Variants in PAK5 observed in about 807,000 individuals in gnomAD.
PAK5 encodes serine/threonine-protein kinase PAK 5.
In PAK5, 16 loss-of-function variants were observed where a neutral mutation model predicts 65.9. That is an observed-to-expected ratio of 0.24 (90% CI 0.16 to 0.37). The LOEUF (loss-of-function observed/expected upper bound fraction) is 0.37. Among genes scored for constraint, PAK5 ranks in the 10% least tolerant of loss-of-function variants. PAK5 has a pLI of 1.00. For synonymous variants in PAK5, 371 were observed against 354.9 expected, an observed-to-expected ratio of 1.05 and a Z score of -0.51; for missense variants, 785 against 903.9, an observed-to-expected ratio of 0.87 and a Z score of 1.69.
At chr20:9,770,094 G>C (rs573346071) in intron 1 of PAK5, among the ~76,000 whole-genome samples, 50 of 152,292 alleles carry the variant, frequency 3.3e-4, no homozygotes, top group African/African-American at 1.2e-3. Context: ...GACACAGAAA[G>C]GCCAACAGAT....
At chr20:9,574,815 T>C (rs1010791954) in intron 4 of PAK5, among the ~76,000 whole-genome samples, 2 of 152,130 alleles carry the variant, frequency 1.3e-5, no homozygotes, top group African/African-American at 4.8e-5. Context: ...TCTAAATATA[T>C]CCATTGTTAT....
intron 4 of PAK5, among the ~76,000 whole-genome samples, chr20:9,567,925 C>A (rs550918937): frequency 3.3e-5 from 5 of 152,090 alleles, no homozygotes; most frequent in Non-Finnish European, 7.4e-5. Flanking sequence ...AGAAGCCTGG[C>A]TGAGTGAGGG....
At chr20:9,556,462 A>G (rs559836288) in intron 7 of PAK5, among the ~76,000 whole-genome samples, 3 of 152,340 alleles carry the variant, frequency 2.0e-5, no homozygotes, top group Non-Finnish European at 4.4e-5. Flanking sequence ...CTGATATGAC[A>G]TGAACATTTT....
chr20:9,734,408 A>G (rs1188625643), intron 1 of PAK5, among the ~76,000 whole-genome samples: 1 of 152,188 alleles, frequency 6.6e-6, no homozygotes, highest in Non-Finnish European at 1.5e-5. Flanking sequence ...GAGAAGGGAT[A>G]CATACAGGGA....
intron 2 of PAK5, among the ~76,000 whole-genome samples, chr20:9,680,124 G>A (rs1384859617): frequency 6.6e-6 from 1 of 152,230 alleles, no homozygotes; most frequent in Admixed American, 6.5e-5. Context: ...TTCATTCACT[G>A]ATTAAACAAT....
intron 2 of PAK5, among the ~76,000 whole-genome samples, chr20:9,685,852 A>T (rs928068046): frequency 2.0e-5 from 3 of 152,114 alleles, no homozygotes; most frequent in Non-Finnish European, 4.4e-5. Flanking sequence ...TGTCAATGAC[A>T]CCCTCTGTGT....
chr20:9,715,703 A>G (rs1417772236), intron 1 of PAK5, among the ~76,000 whole-genome samples: 4 of 152,046 alleles, frequency 2.6e-5, no homozygotes, highest in Non-Finnish European at 5.9e-5. Flanking sequence ...ACACCATGGA[A>G]TACTATGCAG....
At chr20:9,584,752 CAGTT>C (rs1182059935) in intron 3 of PAK5, among the ~76,000 whole-genome samples, 1 of 152,214 alleles carries the variant, frequency 6.6e-6, no homozygotes, top group African/African-American at 2.4e-5. Flanking sequence ...AAAACAGAAA[CAGTT>C]TGTTTGTATC....
At chr20:9,560,052 C>A (rs190307878) in intron 6 of PAK5, among the ~76,000 whole-genome samples, 2 of 152,118 alleles carry the variant, frequency 1.3e-5, no homozygotes, top group East Asian at 1.9e-4. Flanking sequence ...TCTTGAATTC[C>A]GTGAAATTTG....
chr20:9,815,396 G>A (rs1394649746), intron 1 of PAK5, among the ~76,000 whole-genome samples: 2 of 152,078 alleles, frequency 1.3e-5, no homozygotes, highest in Admixed American at 6.6e-5. Context: ...AGTTTCTTGG[G>A]AAGAAAGTCA....
chr20:9,736,269 C>T (rs546803726), intron 1 of PAK5, among the ~76,000 whole-genome samples: 1 of 152,224 alleles, frequency 6.6e-6, no homozygotes, highest in Non-Finnish European at 1.5e-5. Flanking sequence ...TATGACCAAC[C>T]TGTGGAACAA....
intron 2 of PAK5, among the ~76,000 whole-genome samples, chr20:9,691,749 A>G (rs2047800666): frequency 2.0e-5 from 3 of 152,222 alleles, no homozygotes; most frequent in African/African-American, 7.2e-5. Flanking sequence ...CATTCTTTAT[A>G]TCTAAACAAT....
chr20:9,824,554 T>C (rs2034293340), intron 1 of PAK5, among the ~76,000 whole-genome samples: 1 of 152,164 alleles, frequency 6.6e-6, no homozygotes, highest in Non-Finnish European at 1.5e-5. Context: ...AGACAAATCA[T>C]ATGCAATTTG....
At chr20:9,696,756 T>C (rs912193249) in intron 2 of PAK5, among the ~76,000 whole-genome samples, 1 of 152,124 alleles carries the variant, frequency 6.6e-6, no homozygotes, top group Non-Finnish European at 1.5e-5. Context: ...AAAGTGAATA[T>C]GTAAAGAAGT....
intron 1 of PAK5, among the ~76,000 whole-genome samples, chr20:9,817,261 A>T (rs1203683657): frequency 6.6e-6 from 1 of 152,234 alleles, no homozygotes; most frequent in African/African-American, 2.4e-5. Context: ...TTAAATACGT[A>T]TAATTTTTTT....
intron 2 of PAK5, among the ~76,000 whole-genome samples, chr20:9,645,053 T>C (rs1211570367): frequency 6.6e-6 from 1 of 152,070 alleles, no homozygotes. Flanking sequence ...AACAAGTAAA[T>C]ATTTACAAAG....
intron 1 of PAK5, among the ~76,000 whole-genome samples, chr20:9,722,357 C>T (rs1052605102): frequency 3.9e-5 from 6 of 152,166 alleles, no homozygotes; most frequent in Non-Finnish European, 7.4e-5. Context: ...TCGTGGCTGA[C>T]GCCTGTAATC....
intron 2 of PAK5, among the ~76,000 whole-genome samples, chr20:9,693,846 C>T (rs1157255897): frequency 6.6e-6 from 1 of 152,140 alleles, no homozygotes; most frequent in South Asian, 2.1e-4. Context: ...AAAATAATAC[C>T]TCTATCTAGT....
intron 3 of PAK5, among the ~76,000 whole-genome samples, chr20:9,604,306 C>T (rs913942982): frequency 1.3e-5 from 2 of 152,224 alleles, no homozygotes; most frequent in African/African-American, 4.8e-5. Context: ...GAAAATGCTA[C>T]ATAAACTGCA....
Sources: gnomAD v4.1 joint callset for allele counts (sites outside exome capture counted in the v4.1 genomes callset) on GRCh38, gnomAD v4.1.1 for gene constraint, MANE v1.5 for transcripts, NCBI Gene and HGNC (gene_info 2026-07-23, HGNC 2026-07-21) for gene names.